The following FSTL5 variants were observed in gnomAD, a reference collection of about 807,000 sequenced individuals.
FSTL5 encodes the protein follistatin like 5.
In FSTL5, 62 loss-of-function variants were observed where a neutral mutation model predicts 89.1. The ratio of observed to expected loss-of-function variants is 0.70; its 90% CI spans 0.57 to 0.86. The LOEUF is 0.86. Ranked by LOEUF, FSTL5 falls within the 40% of genes least tolerant of loss-of-function variation. The probability of loss-of-function intolerance (pLI) is 0.00; values close to 1 mark genes in which losing one functional copy is unlikely to be tolerated. For synonymous variants in FSTL5, 383 were observed against 346.2 expected, an observed-to-expected ratio of 1.11 and a Z score of -1.18; for missense variants, 1,057 against 1,001.6, an observed-to-expected ratio of 1.06 and a Z score of -0.75.
chr4:161,433,198 T>C (rs1269573492), intron 15 of FSTL5, among the ~76,000 whole-genome samples: 7 of 151,760 alleles, frequency 4.6e-5, no homozygotes, highest in Admixed American at 4.6e-4. Flanking sequence ...GCAAACTAAG[T>C]TCAATAATAA....
At chr4:162,071,109 T>A (rs1729602739) in intron 2 of FSTL5, among the ~76,000 whole-genome samples, 1 of 151,664 alleles carries the variant, frequency 6.6e-6, no homozygotes, top group African/African-American at 2.4e-5. Flanking sequence ...ATTAACAGAA[T>A]GAAACATGTA....
At chr4:162,014,010 A>G (rs1267308775) in intron 3 of FSTL5, among the ~76,000 whole-genome samples, 2 of 152,150 alleles carry the variant, frequency 1.3e-5, no homozygotes, top group Non-Finnish European at 2.9e-5. Flanking sequence ...CATCACTCGC[A>G]GAGCCTTCAC....
chr4:161,441,695 C>A (rs968524315), intron 15 of FSTL5, among the ~76,000 whole-genome samples: 1 of 152,068 alleles, frequency 6.6e-6, no homozygotes, highest in Non-Finnish European at 1.5e-5. Flanking sequence ...GTTCTCTAAA[C>A]CCTAGAAGAA....
chr4:161,526,106 C>A (rs2126522935), intron 10 of FSTL5, among the ~76,000 whole-genome samples: 1 of 152,218 alleles, frequency 6.6e-6, no homozygotes, highest in African/African-American at 2.4e-5. Context: ...TAATCTTAAT[C>A]ATACAGGGTC....
intron 7 of FSTL5, among the ~76,000 whole-genome samples, chr4:161,654,617 T>C (rs6814813): frequency 0.21 from 31,303 of 151,986 alleles, 3,921 homozygotes; most frequent in Non-Finnish European, 0.26. Context: ...ATGTTTTTGA[T>C]ATATTCTGGG....
intron 4 of FSTL5, among the ~76,000 whole-genome samples, chr4:161,791,041 T>C (rs1291391348): frequency 1.3e-5 from 2 of 152,204 alleles, no homozygotes; most frequent in Non-Finnish European, 2.9e-5. Context: ...AGGCATGATC[T>C]GCATTTCTAT....
intron 3 of FSTL5, among the ~76,000 whole-genome samples, chr4:161,935,341 T>A (rs540806067): frequency 6.6e-6 from 1 of 152,292 alleles, no homozygotes; most frequent in Non-Finnish European, 1.5e-5. Flanking sequence ...ACATCAGTGA[T>A]GCAGAATCTT....
intron 3 of FSTL5, among the ~76,000 whole-genome samples, chr4:161,967,065 G>A (rs1735348348): frequency 2.0e-5 from 3 of 150,772 alleles, no homozygotes; most frequent in South Asian, 4.2e-4. Flanking sequence ...AAATGATATG[G>A]GATTTCTGTT....
rs763754090 is a variant in FSTL5, at chr4:161,481,036, G to T, written c.1592C>A (p.Ser531Tyr). 6.2e-7 allele frequency: 1 copy of T among 1,609,204 alleles called. No individual in the cohort carries two copies. Among genetic ancestry groups the T allele is most frequent in the Admixed American group, 1.7e-5 (1 of 59,144 alleles). The change falls in exon 13 of 16, where the codon TCC becomes TAC. Residue 531 changes from serine (S) to tyrosine (Y), a missense_variant. Coordinates refer to ENST00000306100, the MANE Select transcript of FSTL5 (RefSeq NM_020116.5). ...TATTCATACCTGAACAACTTTTTGG[G>T]ACTGCACATCAACAATAAGGACTCT... ...LDRVLIVDVQ[S>Y]QKVVQAVSTD... is the part of the protein sequence containing the mutation.
rs141438424 is a variant in FSTL5, at chr4:161,955,157, T to C, written c.161-34505A>G. On this transcript the variant is annotated intron_variant, in intron 3 of 15. Coordinates refer to ENST00000306100, the MANE Select transcript of FSTL5 (RefSeq NM_020116.5). ...AATGTATAATTTTCTATAGGTAATA[T>C]TTATTTCTATACTTGTATAGATAGA... is the stretch of plus-strand genomic sequence containing the variant. Among the ~76,000 whole-genome samples the C allele has an allele frequency of 7.9e-5, 12 of 151,796 alleles. No homozygotes were observed. The East Asian group carries it at 2.1e-3, about 27-fold the overall frequency.
At chr4:161,895,916 A>G (rs1733144349) in intron 4 of FSTL5, among the ~76,000 whole-genome samples, 1 of 152,240 alleles carries the variant, frequency 6.6e-6, no homozygotes, top group Middle Eastern at 3.4e-3. Flanking sequence ...ATAGGGGGGC[A>G]TATCTACTGC....
At chr4:161,963,563 C>CA (rs1285247095) in intron 3 of FSTL5, among the ~76,000 whole-genome samples, 1 of 151,764 alleles carries the variant, frequency 6.6e-6, no homozygotes, top group East Asian at 1.9e-4. Context: ...AAAATCATAA[C>CA]AAAAAATATG....
At chr4:161,497,811 C>T (rs1384102953) in intron 12 of FSTL5, among the ~76,000 whole-genome samples, 1 of 151,572 alleles carries the variant, frequency 6.6e-6, no homozygotes, top group Admixed American at 6.6e-5. Flanking sequence ...ACTTTGTCGC[C>T]GTTGGTGTAT....
chr4:161,439,346 C>A (rs2126363257), intron 15 of FSTL5, among the ~76,000 whole-genome samples: 1 of 152,298 alleles, frequency 6.6e-6, no homozygotes, highest in East Asian at 1.9e-4. Flanking sequence ...GAGTTGGAGG[C>A]ACGTAGTGCC....
At chr4:161,991,377 C>G (rs899254223) in intron 3 of FSTL5, among the ~76,000 whole-genome samples, 1 of 151,360 alleles carries the variant, frequency 6.6e-6, no homozygotes, top group Non-Finnish European at 1.5e-5. Flanking sequence ...ATTTTCTAGT[C>G]TTTTTTTTTC....
chr4:162,041,310 A>G (rs1490996963), intron 2 of FSTL5, among the ~76,000 whole-genome samples: 1 of 152,038 alleles, frequency 6.6e-6, no homozygotes, highest in Non-Finnish European at 1.5e-5. Context: ...AAAAGAGTGC[A>G]TGATAAGACT....
intron 10 of FSTL5, among the ~76,000 whole-genome samples, chr4:161,523,481 A>G (rs886776907): frequency 2.0e-5 from 3 of 152,226 alleles, no homozygotes; most frequent in African/African-American, 7.2e-5. Context: ...CCTAAGGCAT[A>G]ATTTAGTCTT....
chr4:161,830,951 C>T (rs1007902546), intron 4 of FSTL5, among the ~76,000 whole-genome samples: 1 of 151,746 alleles, frequency 6.6e-6, no homozygotes, highest in Admixed American at 6.6e-5. Flanking sequence ...ATGTGTGGGT[C>T]CCTATTAGTG....
intron 4 of FSTL5, among the ~76,000 whole-genome samples, chr4:161,791,911 G>A (rs554552134): frequency 2.0e-5 from 3 of 152,304 alleles, no homozygotes; most frequent in East Asian, 3.9e-4. Flanking sequence ...AGGTGAGGCC[G>A]GGGCTGCGCG....
Sources: gnomAD v4.1 joint callset for allele counts (sites outside exome capture counted in the v4.1 genomes callset) on GRCh38, gnomAD v4.1.1 for gene constraint, MANE v1.5 for transcripts, NCBI Gene and HGNC (gene_info 2026-07-23, HGNC 2026-07-21) for gene names.